Variants in PRELID2 observed in about 807,000 individuals in gnomAD.
PRELID2 encodes PRELI domain-containing protein 2.
Under a neutral mutation model 28.4 loss-of-function variants are expected in PRELID2, and 25 were observed. The ratio of observed to expected loss-of-function variants is 0.88; its 90% confidence interval spans 0.64 to 1.23. PRELID2 has a LOEUF of 1.23. Ranked by LOEUF, PRELID2 falls within the 50% of genes most tolerant of loss-of-function variation. The pLI is 0.00. For missense variants in PRELID2, 201 were observed against 214.4 expected, an observed-to-expected ratio of 0.94 and a Z score of 0.39; for synonymous variants, 76 against 71.6, an observed-to-expected ratio of 1.06 and a Z score of -0.31.
chr5:145,817,435 A>T (rs376135151), intron 4 of PRELID2, among the ~76,000 whole-genome samples: 23 of 48,328 alleles, frequency 4.8e-4, no homozygotes, highest in South Asian at 1.9e-3. Flanking sequence ...ATATATATAT[A>T]TATATATATA....
At chr5:145,708,067 C>A (rs1755594520) in intron 1 of PRELID2, among the ~76,000 whole-genome samples, 3 of 152,020 alleles carry the variant, frequency 2.0e-5, no homozygotes, top group South Asian at 2.1e-4. Flanking sequence ...TCTGATGTTG[C>A]TCTAGGAAAT....
chr5:145,519,060 A>T (rs1164081381), intron 1 of PRELID2, among the ~76,000 whole-genome samples: 1 of 152,174 alleles, frequency 6.6e-6, no homozygotes, highest in Non-Finnish European at 1.5e-5. Context: ...GGCTTTTCAT[A>T]TCATAACCTG....
At chr5:145,266,359 CA>C in the PRELID2 span, among the ~76,000 whole-genome samples, 8,979 of 116,246 alleles carry the variant, frequency 0.077, 461 homozygotes, top group African/African-American at 0.17. Context: ...AGACAAAAAG[CA>C]AAAAAAAAAA....
intron 1 of PRELID2, among the ~76,000 whole-genome samples, chr5:145,602,884 T>C (rs1218825982): frequency 6.6e-6 from 1 of 152,042 alleles, no homozygotes; most frequent in Non-Finnish European, 1.5e-5. Context: ...AAACCCCGTC[T>C]CTACTAAAAA....
intron 1 of PRELID2, among the ~76,000 whole-genome samples, chr5:145,566,175 T>C (rs545049947): frequency 2.0e-5 from 3 of 152,244 alleles, no homozygotes; most frequent in Non-Finnish European, 4.4e-5. Flanking sequence ...ATAGCCCCTG[T>C]ATCTCTATGA....
At chr5:145,702,052 G>GA (rs113433671) in intron 1 of PRELID2, among the ~76,000 whole-genome samples, 1 of 147,906 alleles carries the variant, frequency 6.8e-6, no homozygotes, top group African/African-American at 2.5e-5. Context: ...TCTGTCTCAG[G>GA]AAAAAAAAAA....
chr5:145,669,394 G>C (rs190798064), intron 1 of PRELID2, among the ~76,000 whole-genome samples: 1 of 152,192 alleles, frequency 6.6e-6, no homozygotes, highest in African/African-American at 2.4e-5. Flanking sequence ...CCACTGTTCA[G>C]ATAAACCAGG....
chr5:145,407,844 A>T, the PRELID2 span, among the ~76,000 whole-genome samples: 3 of 152,286 alleles, frequency 2.0e-5, no homozygotes, highest in East Asian at 5.8e-4. Context: ...CCAGCATTCA[A>T]GAAAACCAAT....
the PRELID2 span, among the ~76,000 whole-genome samples, chr5:145,451,954 G>T: frequency 6.6e-6 from 1 of 152,148 alleles, no homozygotes; most frequent in Admixed American, 6.6e-5. Context: ...GCCATCCCCA[G>T]ATTGGAAGAC....
At chr5:145,488,769 C>A (rs189419936) in intron 1 of PRELID2, among the ~76,000 whole-genome samples, 2 of 152,216 alleles carry the variant, frequency 1.3e-5, no homozygotes, top group South Asian at 2.1e-4. Flanking sequence ...TCTATACAAT[C>A]GAGTTCATGG....
At chr5:145,673,964 C>T (rs1000778249) in intron 1 of PRELID2, among the ~76,000 whole-genome samples, 72 of 152,244 alleles carry the variant, frequency 4.7e-4, no homozygotes, top group African/African-American at 1.7e-3. Context: ...ATAAAGTTGG[C>T]AGTGCACACA....
At chr5:145,670,244 C>A (rs1754678638) in intron 1 of PRELID2, among the ~76,000 whole-genome samples, 1 of 152,036 alleles carries the variant, frequency 6.6e-6, no homozygotes, top group South Asian at 2.1e-4. Context: ...TGTCACGTGG[C>A]AAGAAAGGGA....
Position 145,760,196 on chromosome 5 carries a change from A to G in PRELID2, c.*340T>C, listed in dbSNP as rs942440461. The G allele has an allele frequency of 5.9e-5, 9 of 152,108 alleles. No homozygotes were observed. Among genetic ancestry groups the G allele is most frequent in the African/African-American group, 1.9e-4 (8 of 41,398 alleles). The allele number at this position is 152,108 out of a possible 1,614,324, so 9.4% of individuals were successfully genotyped here. A position where few individuals can be genotyped will look rare whatever the true frequency, so the allele number is the denominator to read the frequency against. ...TTATCCTGTCCTTAGCTGCCCTGAC[A>G]CCATCATCAGACAACCAGCAGAACA... On this transcript the variant is annotated 3_prime_UTR_variant, in exon 7 of 7. Transcript: ENST00000683046.
the PRELID2 span, among the ~76,000 whole-genome samples, chr5:145,443,109 T>C: frequency 2.6e-5 from 4 of 152,060 alleles, no homozygotes; most frequent in African/African-American, 9.7e-5. Context: ...CCTCCCTGAC[T>C]GCACATCCAT....
intron 1 of PRELID2, among the ~76,000 whole-genome samples, chr5:145,646,848 G>T (rs1754205329): frequency 2.0e-5 from 3 of 152,188 alleles, no homozygotes; most frequent in African/African-American, 7.2e-5. Flanking sequence ...ACCAGCGGAG[G>T]CTGCAGTACA....
the PRELID2 span, among the ~76,000 whole-genome samples, chr5:145,313,589 G>A: frequency 1.3e-5 from 2 of 152,188 alleles, no homozygotes; most frequent in South Asian, 2.1e-4. Flanking sequence ...ACCCCTGTAG[G>A]TGGTGTTGGC....
chr5:145,786,641 C>CAG (rs1210500926), intron 5 of PRELID2, among the ~76,000 whole-genome samples: 4 of 152,192 alleles, frequency 2.6e-5, no homozygotes, highest in African/African-American at 9.7e-5. Flanking sequence ...TCTACAGAAA[C>CAG]AGAGGTAATA....
the PRELID2 span, among the ~76,000 whole-genome samples, chr5:145,330,619 A>T: frequency 2.6e-5 from 4 of 152,130 alleles, no homozygotes; most frequent in African/African-American, 9.7e-5. Flanking sequence ...CAGTGGTCTT[A>T]TCCCCTTTAT....
At chr5:145,637,091 C>A (rs1195682356) in intron 1 of PRELID2, among the ~76,000 whole-genome samples, 1 of 152,036 alleles carries the variant, frequency 6.6e-6, no homozygotes, top group African/African-American at 2.4e-5. Flanking sequence ...CCCAAAGACT[C>A]TTCCAACTGG....
Sources: gnomAD v4.1 joint callset for allele counts (sites outside exome capture counted in the v4.1 genomes callset) on GRCh38, gnomAD v4.1.1 for gene constraint, MANE v1.5 for transcripts, NCBI Gene and HGNC (gene_info 2026-07-23, HGNC 2026-07-21) for gene names.